The following GATA4 variants were observed in gnomAD, a reference collection of about 807,000 sequenced individuals.
GATA4 encodes the protein transcription factor GATA-4.
A neutral mutation model predicts 37.9 loss-of-function variants in GATA4; 7 were observed. The observed-to-expected ratio is 0.18, with a 90% CI of 0.11 to 0.35. The LOEUF is 0.35. GATA4 is among the 10% of genes least tolerant of loss of function. The probability of loss-of-function intolerance (pLI) is 1.00; values close to 1 mark genes in which losing one functional copy is unlikely to be tolerated. For synonymous variants in GATA4, 372 were observed against 292.6 expected (o/e 1.27, Z -2.77); for missense variants, 647 against 653.0 (o/e 0.99, Z 0.10).
At chr8:11,681,121 C>G (rs1433545081) in intron 1 of GATA4, 1 of 984,380 alleles carries the variant, frequency 1.0e-6, no homozygotes, top group African/African-American at 1.7e-5. Flanking sequence ...GTTCGTGGTC[C>G]GGAAAACCGA....
chr8:11,730,635 C>T (rs1801159969), intron 2 of GATA4, among the ~76,000 whole-genome samples: 1 of 152,174 alleles, frequency 6.6e-6, no homozygotes, highest in Admixed American at 6.5e-5. Context: ...GCCTGGTCAG[C>T]AGAGCAGCTG....
chr8:11,722,364 CTT>C (rs1288032170), intron 2 of GATA4, among the ~76,000 whole-genome samples: 1 of 152,178 alleles, frequency 6.6e-6, no homozygotes, highest in African/African-American at 2.4e-5. Flanking sequence ...TACGAGGACT[CTT>C]TTATTTTAAA....
chr8:11,732,065 C>G (rs560880544), intron 2 of GATA4, among the ~76,000 whole-genome samples: 14 of 152,180 alleles, frequency 9.2e-5, no homozygotes, highest in African/African-American at 3.4e-4. Flanking sequence ...TACAAGCAAC[C>G]GAGTTTTGAT....
chr8:11,735,127 A>G (rs1433448734), intron 2 of GATA4, among the ~76,000 whole-genome samples: 1 of 152,260 alleles, frequency 6.6e-6, no homozygotes, highest in East Asian at 1.9e-4. Flanking sequence ...CTTTAAAAAC[A>G]TCTGAAGGAA....
At chr8:11,692,889 C>T (rs1245816226) in intron 1 of GATA4, 6 of 982,740 alleles carry the variant, frequency 6.1e-6, no homozygotes, top group Non-Finnish European at 7.2e-6. Context: ...CGCCCGCCGC[C>T]CCGCGCTCGC....
At chr8:11,720,771 C>A (rs73203493) in intron 2 of GATA4, among the ~76,000 whole-genome samples, 11,627 of 151,624 alleles carry the variant, frequency 0.077, 529 homozygotes, top group South Asian at 0.21. Flanking sequence ...CTCAAGAGAC[C>A]TGATCTGGTT....
intron 2 of GATA4, among the ~76,000 whole-genome samples, chr8:11,720,779 GTTT>G (rs529789610): frequency 6.7e-6 from 1 of 149,456 alleles, no homozygotes; most frequent in Non-Finnish European, 1.5e-5. Context: ...ACCTGATCTG[GTTT>G]TTTTTTTATA....
chr8:11,728,444 C>T (rs1168303827), intron 2 of GATA4, among the ~76,000 whole-genome samples: 3 of 152,212 alleles, frequency 2.0e-5, no homozygotes, highest in African/African-American at 7.2e-5. Flanking sequence ...TCATAGCTCA[C>T]TGCAGCCTTG....
intron 1 of GATA4, among the ~76,000 whole-genome samples, chr8:11,686,417 T>A (rs772657437): frequency 5.3e-5 from 8 of 152,058 alleles, no homozygotes; most frequent in Admixed American, 1.3e-4. Flanking sequence ...TTAAAAAAAA[T>A]TTTTGAGGTT....
At chr8:11,750,010 T>C (rs1802220525) in intron 3 of GATA4, 101 bp from the exon 4 acceptor site, 1 of 1,546,272 alleles carries the variant, frequency 6.5e-7, no homozygotes, top group Non-Finnish European at 8.9e-7. Context: ...GGCCCAGCCC[T>C]GCCTCCCGTT....
At chr8:11,712,859 C>G (rs1800258324) in intron 2 of GATA4, among the ~76,000 whole-genome samples, 1 of 151,906 alleles carries the variant, frequency 6.6e-6, no homozygotes, top group Non-Finnish European at 1.5e-5. Flanking sequence ...AAGACCCTGT[C>G]TCAAAAAAAG....
At chr8:11,682,473 C>G (rs1405382477) in intron 1 of GATA4, among the ~76,000 whole-genome samples, 1 of 152,206 alleles carries the variant, frequency 6.6e-6, no homozygotes, top group Non-Finnish European at 1.5e-5. Context: ...TTAGATCATA[C>G]ATGAGAATTT....
At position 11,758,525 on chromosome 8, in the gene GATA4, A is replaced by T. The variant is rs370567650; in HGVS notation, c.*50A>T. ...CCTGCACGGACCTGGGACTTGGAGG[A>T]TAGCAAAGAAGGAGGCCCTGGGCTC... On this transcript the variant is annotated 3_prime_UTR_variant, in exon 7 of 7. Coordinates refer to ENST00000532059, the MANE Select transcript of GATA4 (RefSeq NM_001308093.3). 69 of 1,600,944 alleles carry T rather than the reference A, an allele frequency of 4.3e-5. No individual in the cohort carries two copies. In the African/African-American group the frequency reaches 8.8e-4, roughly 20 times the overall value.
upstream of GATA4, among the ~76,000 whole-genome samples, chr8:11,701,029 C>G (rs1476045298): frequency 6.6e-6 from 1 of 152,102 alleles, no homozygotes; most frequent in African/African-American, 2.4e-5. Context: ...TTGGGGGGAA[C>G]CAGTGTTTAG....
chr8:11,754,347 G>T (rs1802449036), intron 4 of GATA4, among the ~76,000 whole-genome samples: 1 of 152,184 alleles, frequency 6.6e-6, no homozygotes, highest in South Asian at 2.1e-4. Flanking sequence ...CTTCTGAGTA[G>T]CTGGGACTAC....
intron 2 of GATA4, among the ~76,000 whole-genome samples, chr8:11,724,886 G>T (rs1800842237): frequency 6.6e-6 from 1 of 152,230 alleles, no homozygotes. Flanking sequence ...GGCCATGGGG[G>T]AGCCAGTGGC....
intron 2 of GATA4, among the ~76,000 whole-genome samples, chr8:11,725,668 C>T (rs1800885668): frequency 1.3e-5 from 2 of 152,346 alleles, no homozygotes; most frequent in Non-Finnish European, 2.9e-5. Context: ...GGAGGTCAGA[C>T]TTGCTGCTGC....
chr8:11,692,105 G>C (rs1297741321), upstream of GATA4: 1 of 951,610 alleles, frequency 1.1e-6, no homozygotes, highest in Admixed American at 6.2e-5. Context: ...AGGTGAGGCA[G>C]GCAGGAGCTC....
chr8:11,678,105 G>A (rs951299476), intron 1 of GATA4, among the ~76,000 whole-genome samples: 3 of 151,678 alleles, frequency 2.0e-5, no homozygotes, highest in East Asian at 1.9e-4. Flanking sequence ...GAGAAGGCAC[G>A]GGTCAGTGTC....
Sources: allele counts gnomAD v4.1 joint callset (sites outside exome capture counted in the v4.1 genomes callset), GRCh38; gene constraint gnomAD v4.1.1; transcripts MANE v1.5; gene names NCBI Gene and HGNC (gene_info 2026-07-23, HGNC 2026-07-21).